The following GLI3 variants were observed in gnomAD, a reference collection of about 807,000 sequenced individuals.
The protein encoded by GLI3 is GLI family zinc finger 3.
In GLI3, 20 loss-of-function variants were observed where a neutral mutation model predicts 100.8. That is an observed-to-expected ratio of 0.20 (90% confidence interval 0.14 to 0.29). The LOEUF is 0.29. GLI3 is among the 10% of genes least tolerant of loss of function. The pLI is 1.00. For synonymous variants in GLI3, 938 were observed against 860.5 expected (o/e 1.09, Z -1.58); for missense variants, 2,040 against 2,128.5 (o/e 0.96, Z 0.82).
rs1469523700 is a variant in GLI3, at chr7:41,968,720, GA to G, written c.2104-798del. On this transcript the variant is annotated intron_variant, in intron 13 of 14. Transcript: ENST00000395925. ...AAGAAAGAAAGAAAGAAAGAAGAAA[GA>G]AAGAAAGAAAGAAAGAAAGAAAGAA... 3.7e-3 allele frequency among the ~76,000 whole-genome samples: 376 copies of G among 102,054 alleles called. 5 individuals are homozygous for G. The highest frequency in any genetic ancestry group is 0.011 in the African/African-American group (219 of 20,506). The allele number at this position is 102,054 out of a possible 152,430, so 67.0% of individuals were successfully genotyped here.
At chr7:42,158,752 A>G (rs1424994620) in intron 2 of GLI3, among the ~76,000 whole-genome samples, 1 of 152,064 alleles carries the variant, frequency 6.6e-6, no homozygotes, top group African/African-American at 2.4e-5. Flanking sequence ...CGGCCTCCCA[A>G]AGTGTGGAAT....
At chr7:42,254,555 G>T (rs1186520987) in intron 1 of GLI3, among the ~76,000 whole-genome samples, 1 of 152,104 alleles carries the variant, frequency 6.6e-6, no homozygotes, top group Non-Finnish European at 1.5e-5. Flanking sequence ...AACATTATAT[G>T]GCCTACATAG....
intron 2 of GLI3, among the ~76,000 whole-genome samples, chr7:42,191,366 G>C (rs1787822182): frequency 6.6e-6 from 1 of 152,052 alleles, no homozygotes; most frequent in Admixed American, 6.6e-5. Context: ...TCCCAGGCAA[G>C]GATTCATTCA....
chr7:42,084,660 C>T (rs192351441), intron 3 of GLI3, among the ~76,000 whole-genome samples: 3 of 152,304 alleles, frequency 2.0e-5, no homozygotes, highest in African/African-American at 7.2e-5. Flanking sequence ...TACATCCATT[C>T]TAGCTGAACT....
At chr7:42,030,949 C>T (rs1789275809) in intron 7 of GLI3, among the ~76,000 whole-genome samples, 1 of 152,096 alleles carries the variant, frequency 6.6e-6, no homozygotes, top group Non-Finnish European at 1.5e-5. Flanking sequence ...GAACTCCTGA[C>T]CTCAAGTGAT....
intron 2 of GLI3, among the ~76,000 whole-genome samples, chr7:42,199,803 C>A (rs1788001195): frequency 6.6e-6 from 1 of 152,132 alleles, no homozygotes. Context: ...CACCTGTAAT[C>A]CCAGCACTTT....
rs1562654594 is a variant in GLI3 at position 41,961,154 on chromosome 7, T to C, written c.*3176A>G. 1 of 152,612 alleles carries C rather than the reference T, an allele frequency of 6.6e-6. No individual in the cohort carries two copies. Among genetic ancestry groups the C allele is most frequent in the Non-Finnish European group, 1.5e-5 (1 of 68,038 alleles). 9.5% of individuals were successfully genotyped at this position (152,612 alleles called of 1,614,324 possible). A position where few individuals can be genotyped will look rare whatever the true frequency, so the allele number is the denominator to read the frequency against. Reference sequence around the variant, plus strand: ...TCACATCTGAACGCTATGCCTACAATACTTAAATGTATTTACATGTGTTTC... The same window carrying C: ...TCACATCTGAACGCTATGCCTACAACACTTAAATGTATTTACATGTGTTTC... On this transcript the variant is annotated 3_prime_UTR_variant, in exon 15 of 15. Transcript: ENST00000395925.
chr7:42,044,675 G>C (rs1328178547), intron 6 of GLI3, among the ~76,000 whole-genome samples: 1 of 152,108 alleles, frequency 6.6e-6, no homozygotes, highest in Admixed American at 6.5e-5. Flanking sequence ...GCTACAAACT[G>C]TCTTAGTGGA....
At chr7:42,003,780 G>A (rs1017522923) in intron 10 of GLI3, among the ~76,000 whole-genome samples, 1 of 152,136 alleles carries the variant, frequency 6.6e-6, no homozygotes, top group African/African-American at 2.4e-5. Context: ...ATTATGCTAC[G>A]TAAGGCACTC....
At chr7:42,117,749 A>C (rs1785896104) in intron 3 of GLI3, among the ~76,000 whole-genome samples, 2 of 152,180 alleles carry the variant, frequency 1.3e-5, no homozygotes, top group African/African-American at 4.8e-5. Flanking sequence ...CAGAGGCCAT[A>C]CATGTTCATT....
chr7:42,070,929 G>A (rs969488462), intron 4 of GLI3, among the ~76,000 whole-genome samples: 1 of 152,108 alleles, frequency 6.6e-6, no homozygotes. Context: ...ATCTGATGTG[G>A]CAATAGCTAC....
At chr7:42,096,932 A>C (rs1785350926) in intron 3 of GLI3, among the ~76,000 whole-genome samples, 1 of 152,240 alleles carries the variant, frequency 6.6e-6, no homozygotes, top group African/African-American at 2.4e-5. Context: ...AGGTTTTACA[A>C]GTTCACAGCA....
At chr7:42,175,625 A>T in intron 2 of GLI3, among the ~76,000 whole-genome samples, 1 of 151,988 alleles carries the variant, frequency 6.6e-6, no homozygotes, top group East Asian at 1.9e-4. Context: ...CTCCAAAAAA[A>T]AAAAAGAAAT....
At chr7:42,048,132 C>T (rs569025024) in intron 5 of GLI3, among the ~76,000 whole-genome samples, 2 of 152,276 alleles carry the variant, frequency 1.3e-5, no homozygotes, top group African/African-American at 4.8e-5. Context: ...TGAATGGCTA[C>T]AGGACCAGTC....
At chr7:42,045,169 C>G (rs1441790767) in intron 6 of GLI3, among the ~76,000 whole-genome samples, 4 of 152,188 alleles carry the variant, frequency 2.6e-5, no homozygotes, top group Non-Finnish European at 5.9e-5. Context: ...TGTCAGTTCA[C>G]TGGTATCCTT....
chr7:42,198,457 G>A (rs751721427), intron 2 of GLI3, among the ~76,000 whole-genome samples: 4 of 152,080 alleles, frequency 2.6e-5, no homozygotes, highest in South Asian at 2.1e-4. Flanking sequence ...CTGAGGAGCC[G>A]TCCTGAGATC....
intron 10 of GLI3, among the ~76,000 whole-genome samples, chr7:42,009,149 T>C (rs1216638709): frequency 6.6e-6 from 1 of 152,196 alleles, no homozygotes; most frequent in Non-Finnish European, 1.5e-5. Context: ...AACACAACCA[T>C]CTTCCTCTGC....
intron 10 of GLI3, among the ~76,000 whole-genome samples, chr7:41,997,277 T>C (rs1272564294): frequency 6.6e-6 from 1 of 152,198 alleles, no homozygotes; most frequent in Non-Finnish European, 1.5e-5. Flanking sequence ...TCCAGCTTTT[T>C]TTTTTCTTCT....
At chr7:42,114,997 G>A (rs906946515) in intron 3 of GLI3, among the ~76,000 whole-genome samples, 1 of 151,858 alleles carries the variant, frequency 6.6e-6, no homozygotes, top group Non-Finnish European at 1.5e-5. Flanking sequence ...CCACCGCACC[G>A]ACCAGGAGAG....
Sources: allele counts gnomAD v4.1 joint callset (sites outside exome capture counted in the v4.1 genomes callset), GRCh38; gene constraint gnomAD v4.1.1; transcripts MANE v1.5; gene names NCBI Gene and HGNC (gene_info 2026-07-23, HGNC 2026-07-21).